Variants in DOCK3 observed in about 807,000 individuals in gnomAD.
DOCK3 encodes dedicator of cytokinesis protein 3.
A neutral mutation model predicts 265.6 loss-of-function variants in DOCK3; 60 were observed. The ratio of observed to expected loss-of-function variants is 0.23; its 90% CI spans 0.18 to 0.28. The LOEUF (loss-of-function observed/expected upper bound fraction) is 0.28. DOCK3 is among the 10% of genes least tolerant of loss of function. DOCK3 has a pLI of 1.00. For synonymous variants in DOCK3, 881 were observed against 938.0 expected (o/e 0.94, Z 1.11); for missense variants, 1,981 against 2,594.3 (o/e 0.76, Z 5.14).
chr3:50,677,871 T>A (rs1576049848), intron 1 of DOCK3, among the ~76,000 whole-genome samples: 1 of 152,320 alleles, frequency 6.6e-6, no homozygotes, highest in South Asian at 2.1e-4. Context: ...GATGAGGTGA[T>A]GACTGAGCCC....
intron 51 of DOCK3, among the ~76,000 whole-genome samples, chr3:51,376,745 TTCA>T (rs1012155529): frequency 6.6e-6 from 1 of 152,218 alleles, no homozygotes; most frequent in Non-Finnish European, 1.5e-5. Flanking sequence ...ATCGTATCTG[TTCA>T]TCGAGTGCTA....
intron 5 of DOCK3, among the ~76,000 whole-genome samples, chr3:51,033,729 AG>A (rs1204421511): frequency 2.0e-5 from 3 of 152,318 alleles, no homozygotes; most frequent in African/African-American, 7.2e-5. Context: ...CTTTTCAATT[AG>A]GACATGAACA....
At chr3:51,329,612 C>A (rs2084383762) in intron 32 of DOCK3, among the ~76,000 whole-genome samples, 1 of 152,092 alleles carries the variant, frequency 6.6e-6, no homozygotes, top group South Asian at 2.1e-4. Flanking sequence ...TGAGTACAAA[C>A]AGTAGAGCCT....
chr3:50,798,142 G>A (rs888558971), intron 2 of DOCK3, among the ~76,000 whole-genome samples: 1 of 152,170 alleles, frequency 6.6e-6, no homozygotes, highest in African/African-American at 2.4e-5. Flanking sequence ...TGTTACATGC[G>A]AGGGGGGAAA....
intron 4 of DOCK3, among the ~76,000 whole-genome samples, chr3:50,908,512 T>C (rs925649248): frequency 2.6e-5 from 4 of 152,122 alleles, no homozygotes; most frequent in South Asian, 2.1e-4. Context: ...TTGTTCAGTT[T>C]CCTTGTAGTT....
chr3:51,159,415 T>C, intron 11 of DOCK3, 111 bp downstream of exon 11: 1 of 995,424 alleles, frequency 1.0e-6, no homozygotes, highest in Non-Finnish European at 1.5e-6. Flanking sequence ...ATTTCAGGTC[T>C]CAGGATTAGA....
chr3:50,986,693 A>G (rs983424207), intron 5 of DOCK3, among the ~76,000 whole-genome samples: 7 of 152,226 alleles, frequency 4.6e-5, no homozygotes, highest in African/African-American at 1.7e-4. Flanking sequence ...GGCATGTTTT[A>G]TATTTTAAAA....
chr3:50,693,033 C>T (rs1203760354), intron 1 of DOCK3, among the ~76,000 whole-genome samples: 1 of 152,118 alleles, frequency 6.6e-6, no homozygotes, highest in Non-Finnish European at 1.5e-5. Flanking sequence ...TATCATTTGA[C>T]AATATATGTG....
intron 1 of DOCK3, among the ~76,000 whole-genome samples, chr3:50,742,782 A>T (rs1255680652): frequency 6.6e-6 from 1 of 152,230 alleles, no homozygotes; most frequent in Non-Finnish European, 1.5e-5. Context: ...GCAGGATATT[A>T]TCTAGGAGAA....
intron 20 of DOCK3, among the ~76,000 whole-genome samples, chr3:51,237,100 G>A (rs2078379055): frequency 6.6e-6 from 1 of 152,162 alleles, no homozygotes; most frequent in Non-Finnish European, 1.5e-5. Flanking sequence ...GAGTTTCATA[G>A]GCTGATTTGG....
At chr3:50,996,052 T>C (rs2078269650) in intron 5 of DOCK3, among the ~76,000 whole-genome samples, 1 of 150,458 alleles carries the variant, frequency 6.6e-6, no homozygotes, top group Non-Finnish European at 1.5e-5. Context: ...TTTTGTGTTT[T>C]TAGTAGAGAT....
chr3:51,383,139 A>C lies in DOCK3; in HGVS notation c.*1580A>C, dbSNP rs1553619608. 1 of 152,250 alleles carries C rather than the reference A, an allele frequency of 6.6e-6. No individual in the cohort carries two copies. The highest frequency in any genetic ancestry group is 1.5e-5 in the Non-Finnish European group (1 of 68,046). The allele number at this position is 152,250 out of a possible 1,614,324, so 9.4% of individuals were successfully genotyped here. ...CACTGCCCCTCTTTCCAGACAGTAA[A>C]GGCCATGGTCAGTGTGTTTTTCTCT... On this transcript the variant is annotated 3_prime_UTR_variant, in exon 53 of 53. Coordinates refer to ENST00000266037, the MANE Select transcript of DOCK3 (RefSeq NM_004947.5).
intron 22 of DOCK3, among the ~76,000 whole-genome samples, chr3:51,249,261 C>T (rs1298308298): frequency 5.7e-5 from 8 of 140,044 alleles, no homozygotes; most frequent in African/African-American, 1.9e-4. Flanking sequence ...CGCCTCTGCC[C>T]GGCCGCCCCT....
chr3:50,960,960 G>T (rs2076870292), intron 5 of DOCK3, among the ~76,000 whole-genome samples: 1 of 152,000 alleles, frequency 6.6e-6, no homozygotes. Context: ...AGTTGTCTTG[G>T]CACAGTTGTC....
At chr3:51,002,454 A>G (rs1236048818) in intron 5 of DOCK3, among the ~76,000 whole-genome samples, 1 of 152,206 alleles carries the variant, frequency 6.6e-6, no homozygotes, top group Non-Finnish European at 1.5e-5. Context: ...TTGAAGTCCA[A>G]GTTTATTGAT....
At chr3:50,678,555 G>A (rs1377630215) in intron 1 of DOCK3, among the ~76,000 whole-genome samples, 2 of 152,172 alleles carry the variant, frequency 1.3e-5, no homozygotes, top group South Asian at 2.1e-4. Context: ...AGTGGTAAAG[G>A]TTTGAGTACA....
intron 5 of DOCK3, among the ~76,000 whole-genome samples, chr3:50,979,775 A>C (rs1419545522): frequency 2.0e-5 from 3 of 152,234 alleles, no homozygotes; most frequent in Non-Finnish European, 4.4e-5. Context: ...GATATATAGA[A>C]ATGGTACTGA....
rs780829687 is a variant in DOCK3 at position 51,211,098 on chromosome 3, A to G, written c.1126+2236A>G. 2.0e-4 allele frequency among the ~76,000 whole-genome samples: 30 copies of G among 152,250 alleles called. No homozygotes were observed. The Middle Eastern group carries it at 0.01, about 52-fold the overall frequency. ...TGACTGTTAACTACAATTTATTTCC[A>G]TATCTTGGGCTGACATTAATTTATA... On this transcript the variant is annotated intron_variant, in intron 13 of 52. Coordinates refer to ENST00000266037, the MANE Select transcript of DOCK3 (RefSeq NM_004947.5).
chr3:50,827,551 A>G (rs1228889376), intron 2 of DOCK3, among the ~76,000 whole-genome samples: 1 of 152,198 alleles, frequency 6.6e-6, no homozygotes, highest in Non-Finnish European at 1.5e-5. Context: ...ATTAGGTTTC[A>G]ACATATGAAT....
Sources: allele counts gnomAD v4.1 joint callset (sites outside exome capture counted in the v4.1 genomes callset), GRCh38; gene constraint gnomAD v4.1.1; transcripts MANE v1.5; gene names NCBI Gene and HGNC (gene_info 2026-07-23, HGNC 2026-07-21).